WASF3: variants seen among roughly 807,000 people sequenced by gnomAD.
The protein encoded by WASF3 is WASP family member 3.
Under a neutral mutation model 46.6 loss-of-function variants are expected in WASF3, and 11 were observed. The ratio of observed to expected loss-of-function variants is 0.24; its 90% confidence interval spans 0.15 to 0.39. WASF3 has a LOEUF of 0.39. Ranked by LOEUF, WASF3 falls within the 10% of genes least tolerant of loss-of-function variation. The pLI, the probability that WASF3 is intolerant of heterozygous loss-of-function variation, is 1.00. For synonymous variants in WASF3, 242 were observed against 259.7 expected, an observed-to-expected ratio of 0.93 and a Z score of 0.65; for missense variants, 576 against 669.8, an observed-to-expected ratio of 0.86 and a Z score of 1.55.
chr13:26,580,622 C>T (rs1384579306), intron 1 of WASF3, among the ~76,000 whole-genome samples: 1 of 125,166 alleles, frequency 8.0e-6, no homozygotes, highest in Admixed American at 8.8e-5. Flanking sequence ...TTTCTTTTTT[C>T]TTTCTTTTTT....
intron 1 of WASF3, among the ~76,000 whole-genome samples, chr13:26,584,573 G>A (rs972994658): frequency 2.0e-5 from 3 of 152,178 alleles, no homozygotes; most frequent in African/African-American, 7.2e-5. Context: ...TGGCTTATTG[G>A]AGTTGACTTG....
intron 3 of WASF3, among the ~76,000 whole-genome samples, chr13:26,647,656 CT>C (rs969238648): frequency 5.3e-5 from 8 of 151,138 alleles, no homozygotes; most frequent in Non-Finnish European, 7.4e-5. Flanking sequence ...GGTTTTGCTA[CT>C]TTTTTTTTCT....
At chr13:26,617,913 A>G (rs1045458721) in intron 2 of WASF3, among the ~76,000 whole-genome samples, 11 of 152,092 alleles carry the variant, frequency 7.2e-5, no homozygotes, top group Non-Finnish European at 1.2e-4. Context: ...TTCCTCCTGC[A>G]TTCATTCTCC....
At chr13:26,544,347 A>T in the WASF3 span, among the ~76,000 whole-genome samples, 1 of 152,170 alleles carries the variant, frequency 6.6e-6, no homozygotes, top group South Asian at 2.1e-4. Flanking sequence ...GCATAGTAAG[A>T]TGGAAGGCCC....
chr13:26,670,229 C>G (rs1429355343), intron 5 of WASF3, among the ~76,000 whole-genome samples: 1 of 152,010 alleles, frequency 6.6e-6, no homozygotes, highest in Non-Finnish European at 1.5e-5. Flanking sequence ...AGCTGGAAAC[C>G]ATCATTCTCA....
intron 1 of WASF3, among the ~76,000 whole-genome samples, chr13:26,565,996 C>T (rs1012592739): frequency 6.6e-6 from 1 of 152,106 alleles, no homozygotes; most frequent in Non-Finnish European, 1.5e-5. Flanking sequence ...AGGGATTAGG[C>T]ACCGAAGAGT....
intron 6 of WASF3, among the ~76,000 whole-genome samples, chr13:26,673,623 A>T (rs1409491918): frequency 6.6e-6 from 1 of 152,254 alleles, no homozygotes; most frequent in Non-Finnish European, 1.5e-5. Flanking sequence ...AACCCAAATC[A>T]TGCTCAATTT....
chr13:26,573,963 C>T (rs1412410416), intron 1 of WASF3, among the ~76,000 whole-genome samples: 1 of 152,070 alleles, frequency 6.6e-6, no homozygotes, highest in Non-Finnish European at 1.5e-5. Context: ...TTGTTAAATT[C>T]ATCTGTTATT....
intron 2 of WASF3, among the ~76,000 whole-genome samples, chr13:26,638,910 G>T (rs1881909305): frequency 6.6e-6 from 1 of 152,164 alleles, no homozygotes; most frequent in Non-Finnish European, 1.5e-5. Flanking sequence ...GTGAGGGTGG[G>T]TGGTTAAAAA....
intron 7 of WASF3, among the ~76,000 whole-genome samples, chr13:26,677,556 A>G (rs1440815120): frequency 1.3e-5 from 2 of 152,060 alleles, no homozygotes; most frequent in African/African-American, 4.8e-5. Flanking sequence ...CCTTTGTAAA[A>G]CTCAGTGTTT....
intron 4 of WASF3, 131 bp downstream of exon 4, chr13:26,665,293 A>G (rs1266744403): frequency 8.8e-7 from 1 of 1,138,880 alleles, no homozygotes; most frequent in Non-Finnish European, 1.2e-6. Context: ...CTAGAAGAAT[A>G]GCGAGGGGGA....
At chr13:26,628,513 A>G (rs1397008519) in intron 2 of WASF3, among the ~76,000 whole-genome samples, 1 of 152,166 alleles carries the variant, frequency 6.6e-6, no homozygotes, top group Non-Finnish European at 1.5e-5. Flanking sequence ...AGGAGATGCC[A>G]AGGTAGGATT....
Position 26,687,054 on chromosome 13 carries a change from A to T in WASF3, c.*1209A>T, listed in dbSNP as rs1883426308. 6.6e-6 allele frequency: 1 copy of T among 152,276 alleles called. No individual in the cohort carries two copies. The highest frequency in any genetic ancestry group is 2.1e-4 in the South Asian group (1 of 4,828). 9.4% of individuals were successfully genotyped at this position (152,276 alleles called of 1,614,324 possible). A position where few individuals can be genotyped will look rare whatever the true frequency, so the allele number is the denominator to read the frequency against. ...CCTTGATCAGCCCTGCAGCTGTAGTACAGTGCTGTGCCCTCACCTCCACCC... is the reference window on the plus strand; with the variant it reads ...CCTTGATCAGCCCTGCAGCTGTAGTTCAGTGCTGTGCCCTCACCTCCACCC... On this transcript the variant is annotated 3_prime_UTR_variant, in exon 10 of 10. Coordinates refer to ENST00000335327, the MANE Select transcript of WASF3 (RefSeq NM_006646.6).
intron 3 of WASF3, among the ~76,000 whole-genome samples, chr13:26,647,782 G>A (rs922996769): frequency 1.3e-5 from 2 of 151,544 alleles, no homozygotes; most frequent in Admixed American, 6.6e-5. Context: ...AAAATTTGGC[G>A]ACATTAATGG....
At chr13:26,595,702 A>G (rs1368387300) in intron 1 of WASF3, among the ~76,000 whole-genome samples, 2 of 152,106 alleles carry the variant, frequency 1.3e-5, no homozygotes, top group Non-Finnish European at 2.9e-5. Context: ...CTTCATCTCT[A>G]TTAGTTGTAT....
the WASF3 span, among the ~76,000 whole-genome samples, chr13:26,542,064 A>G: frequency 6.6e-6 from 1 of 151,082 alleles, no homozygotes; most frequent in East Asian, 2.0e-4. Flanking sequence ...AACATGACCC[A>G]TTTGCCTTAC....
intron 2 of WASF3, among the ~76,000 whole-genome samples, chr13:26,627,565 C>G (rs1467528521): frequency 6.6e-6 from 1 of 151,890 alleles, no homozygotes; most frequent in Non-Finnish European, 1.5e-5. Flanking sequence ...TTGGGGTGGG[C>G]TGGGGGGACG....
rs574673072 is a variant in WASF3 at position 26,586,356 on chromosome 13, A to G, written c.-108-26605A>G. ...GGACTCAATTTGATTTTTTTCTCCT[A>G]ATGAGTATCCAGTTGTTATAATAGC... is the stretch of plus-strand genomic sequence containing the variant. On this transcript the variant is annotated intron_variant, in intron 1 of 9. Transcript: ENST00000335327. Among the ~76,000 whole-genome samples, 240 of 152,172 alleles carry G rather than the reference A, an allele frequency of 1.6e-3. 1 individual carries two copies. Among genetic ancestry groups the G allele is most frequent in the Non-Finnish European group, 2.8e-3 (191 of 67,986 alleles).
intron 6 of WASF3, among the ~76,000 whole-genome samples, chr13:26,673,964 G>T (rs1380579230): frequency 1.3e-5 from 2 of 152,128 alleles, no homozygotes; most frequent in Non-Finnish European, 2.9e-5. Context: ...GCTACGGGGA[G>T]GCTGGAGAGG....
Sources: gnomAD v4.1 joint callset for allele counts (sites outside exome capture counted in the v4.1 genomes callset) on GRCh38, gnomAD v4.1.1 for gene constraint, MANE v1.5 for transcripts, NCBI Gene and HGNC (gene_info 2026-07-23, HGNC 2026-07-21) for gene names.